The following WDPCP variants were observed in gnomAD, a reference collection of about 807,000 sequenced individuals.
WDPCP encodes the protein WD repeat-containing and planar cell polarity effector protein fritz homolog.
In WDPCP, 71 loss-of-function variants were observed where a neutral mutation model predicts 93.1. The observed-to-expected ratio is 0.76, with a 90% CI of 0.63 to 0.93. The LOEUF (loss-of-function observed/expected upper bound fraction) is 0.93, where lower values mean the gene tolerates loss of function less well. Among genes scored for constraint, WDPCP ranks in the 40% least tolerant of loss-of-function variants. The pLI, the probability that WDPCP is intolerant of heterozygous loss-of-function variation, is 0.00. For missense variants in WDPCP, 844 were observed against 887.4 expected (o/e 0.95, Z 0.62); for synonymous variants, 315 against 315.0 (o/e 1.00, Z 0.00).
chr2:63,807,216 C>T (rs182897368), intron 2 of WDPCP, among the ~76,000 whole-genome samples: 161 of 152,314 alleles, frequency 1.1e-3, no homozygotes, highest in Non-Finnish European at 1.8e-3. Flanking sequence ...CCTGACTTCC[C>T]GCAACAGTAA....
At chr2:63,480,775 T>C (rs1266289691) in intron 6 of WDPCP, among the ~76,000 whole-genome samples, 1 of 152,158 alleles carries the variant, frequency 6.6e-6, no homozygotes, top group Non-Finnish European at 1.5e-5. Context: ...CCTGAAACTA[T>C]AAAAATTCTA....
intron 14 of WDPCP, among the ~76,000 whole-genome samples, chr2:63,222,156 T>C (rs1442536799): frequency 6.6e-6 from 1 of 152,230 alleles, no homozygotes; most frequent in Admixed American, 6.5e-5. Context: ...CATCTCTCTA[T>C]ATATATGTTT....
intron 12 of WDPCP, among the ~76,000 whole-genome samples, chr2:63,335,713 G>A (rs939452447): frequency 2.0e-5 from 3 of 152,132 alleles, no homozygotes; most frequent in African/African-American, 7.2e-5. Flanking sequence ...TCAGAGGCAC[G>A]TGAACCGGAG....
chr2:63,823,005 AC>A (rs890794441), intron 1 of WDPCP, among the ~76,000 whole-genome samples: 7 of 151,676 alleles, frequency 4.6e-5, no homozygotes, highest in African/African-American at 1.7e-4. Context: ...AAATGGCACA[AC>A]AAATAACTCA....
chr2:63,796,861 C>A (rs1338848785), intron 2 of WDPCP, among the ~76,000 whole-genome samples: 2 of 152,220 alleles, frequency 1.3e-5, no homozygotes, highest in African/African-American at 4.8e-5. Flanking sequence ...AAGACACCAA[C>A]TGGGGTGGCC....
intron 1 of WDPCP, among the ~76,000 whole-genome samples, chr2:63,558,427 C>T (rs1706302010): frequency 6.6e-6 from 1 of 151,336 alleles, no homozygotes; most frequent in Non-Finnish European, 1.5e-5. Flanking sequence ...ACTTGGGAGG[C>T]TTGAGGCAGG....
In WDPCP at chr2:63,400,660, C is replaced by T. The variant is rs188472187; in HGVS notation, c.1435+3388G>A. The stretch of plus-strand genomic sequence containing the variant: ...AAATTACTTTAAATTTCATATGGAA[C>T]CAAAAAGGAGCCCATATAGCCAAGA... On this transcript the variant is annotated intron_variant, in intron 10 of 17. Transcript: ENST00000272321. 9.2e-5 allele frequency among the ~76,000 whole-genome samples: 14 copies of T among 152,246 alleles called. No individual in the cohort carries two copies. The East Asian group carries it at 2.5e-3, about 27-fold the overall frequency.
At chr2:63,301,385 C>A (rs1685320460) in intron 13 of WDPCP, among the ~76,000 whole-genome samples, 1 of 152,150 alleles carries the variant, frequency 6.6e-6, no homozygotes, top group Non-Finnish European at 1.5e-5. Context: ...ATTTTAAGTT[C>A]AGAAGTTAGC....
chr2:63,403,551 G>A (rs1023821583), intron 10 of WDPCP, among the ~76,000 whole-genome samples: 1 of 152,076 alleles, frequency 6.6e-6, no homozygotes, highest in Non-Finnish European at 1.5e-5. Context: ...GAAACTAAAA[G>A]TTATACAGGT....
intron 12 of WDPCP, among the ~76,000 whole-genome samples, chr2:63,348,446 G>A (rs1689346133): frequency 1.3e-5 from 2 of 152,178 alleles, no homozygotes; most frequent in Non-Finnish European, 2.9e-5. Flanking sequence ...TATAATTGCT[G>A]TTGATTATTG....
chr2:63,504,496 T>C (rs1266106210), intron 1 of WDPCP, among the ~76,000 whole-genome samples: 1 of 151,982 alleles, frequency 6.6e-6, no homozygotes, highest in Non-Finnish European at 1.5e-5. Flanking sequence ...TTTATAAATA[T>C]GGAAACTGAA....
intron 13 of WDPCP, among the ~76,000 whole-genome samples, chr2:63,308,053 C>G (rs530074985): frequency 1.3e-4 from 20 of 150,110 alleles, no homozygotes; most frequent in African/African-American, 4.8e-4. Flanking sequence ...TACAAGAAAA[C>G]AAACAAACAA....
At chr2:63,380,403 G>C (rs12615652) in intron 11 of WDPCP, among the ~76,000 whole-genome samples, 85,729 of 151,908 alleles carry the variant, frequency 0.56, 24,542 homozygotes, top group Admixed American at 0.64. Flanking sequence ...GAGTACCGAA[G>C]TAGTGGGCCA....
chr2:63,122,826 TTTAC>T (rs1041356254), intron 17 of WDPCP, among the ~76,000 whole-genome samples: 1 of 152,104 alleles, frequency 6.6e-6, no homozygotes, highest in African/African-American at 2.4e-5. Flanking sequence ...TTGGAGACAT[TTTAC>T]TTAAAGTATA....
At chr2:63,344,948 T>A (rs1421475569) in intron 12 of WDPCP, among the ~76,000 whole-genome samples, 1 of 152,192 alleles carries the variant, frequency 6.6e-6, no homozygotes, top group Non-Finnish European at 1.5e-5. Flanking sequence ...CTAACCAAAA[T>A]TTAGCAGCTT....
chr2:63,394,524 A>G (rs1005993423), intron 10 of WDPCP, among the ~76,000 whole-genome samples: 2 of 152,136 alleles, frequency 1.3e-5, no homozygotes, highest in African/African-American at 4.8e-5. Context: ...CAACCCAACA[A>G]TCTCATTACT....
At chr2:63,687,724 G>A (rs992106662) in intron 2 of WDPCP, among the ~76,000 whole-genome samples, 1 of 152,162 alleles carries the variant, frequency 6.6e-6, no homozygotes, top group Non-Finnish European at 1.5e-5. Context: ...GAACCCCCGT[G>A]CATTGTTGGT....
At chr2:63,642,372 G>A (rs898449718) in intron 3 of WDPCP, 1 of 151,708 alleles carries the variant, frequency 6.6e-6, no homozygotes, top group Non-Finnish European at 1.5e-5. Flanking sequence ...TTTTGATAAG[G>A]ATTGCATTGA....
intron 3 of WDPCP, among the ~76,000 whole-genome samples, chr2:63,623,664 C>A (rs1438643363): frequency 6.6e-6 from 1 of 152,166 alleles, no homozygotes; most frequent in African/African-American, 2.4e-5. Flanking sequence ...GAACCCAATA[C>A]AGGAGCACCC....
Sources: gnomAD v4.1 joint callset for allele counts (sites outside exome capture counted in the v4.1 genomes callset) on GRCh38, gnomAD v4.1.1 for gene constraint, MANE v1.5 for transcripts, NCBI Gene and HGNC (gene_info 2026-07-23, HGNC 2026-07-21) for gene names.